The following HYDIN variants were observed in gnomAD, a reference collection of about 807,000 sequenced individuals.
HYDIN encodes the protein axonemal central pair apparatus protein HYDIN.
Under a neutral mutation model 403.9 loss-of-function variants are expected in HYDIN, and 132 were observed. That is an observed-to-expected ratio of 0.33 (90% confidence interval 0.28 to 0.38). HYDIN has a LOEUF of 0.38. HYDIN is among the 10% of genes least tolerant of loss of function. HYDIN has a pLI of 1.00. For missense variants in HYDIN, 2,827 were observed against 5,009.5 expected (o/e 0.56, Z 13.15); for synonymous variants, 1,202 against 1,891.7 (o/e 0.64, Z 9.46).
At chr16:71,201,825 A>C (rs911454070) in intron 1 of HYDIN, among the ~76,000 whole-genome samples, 1 of 152,238 alleles carries the variant, frequency 6.6e-6, no homozygotes, top group Non-Finnish European at 1.5e-5. Context: ...TTTTGACACA[A>C]GTGTCATCTG....
At chr16:70,884,778 C>A (rs1210519504) in intron 58 of HYDIN, among the ~76,000 whole-genome samples, 25 of 152,192 alleles carry the variant, frequency 1.6e-4, no homozygotes, top group Non-Finnish European at 4.4e-5. Flanking sequence ...TCTTCTCTCT[C>A]CTGCTTGTAG....
At position 70,872,101 on chromosome 16, in the gene HYDIN, T is replaced by C. The variant is rs1361042986; in HGVS notation, c.11027A>G (p.His3676Arg). ...AAACCGTATCAAGTTCACTTGGCTG[T>C]GATTTGTGACTGTGAAGCTCGCATT... Reference protein sequence around the residue: ...SYNASFTVTNHSQVNLIRFEW... With the variant: ...SYNASFTVTNRSQVNLIRFEW... The change falls in exon 65 of 86, where the codon CAC becomes CGC. Residue 3676 changes from histidine to arginine, a missense_variant. Physicochemically the swap from His to Arg is conservative, Grantham distance 29 (BLOSUM62 0). Coordinates refer to ENST00000393567, the MANE Select transcript of HYDIN (RefSeq NM_001270974.2). 2 of 1,576,620 alleles carry C rather than the reference T, an allele frequency of 1.3e-6. No homozygotes were observed. The highest frequency in any genetic ancestry group is 3.6e-5 in the Admixed American group (2 of 56,328).
intron 15 of HYDIN, among the ~76,000 whole-genome samples, chr16:71,066,214 T>C (rs796547852): frequency 6.6e-6 from 1 of 152,056 alleles, no homozygotes; most frequent in African/African-American, 2.4e-5. Context: ...AGGACTAGAC[T>C]GAAAGGCAAA....
At chr16:70,909,608 TAAG>T (rs1259131207) in intron 47 of HYDIN, among the ~76,000 whole-genome samples, 1 of 145,834 alleles carries the variant, frequency 6.9e-6, no homozygotes, top group Non-Finnish European at 1.5e-5. Flanking sequence ...TCATCACACC[TAAG>T]AAAATGAACA....
At chr16:71,139,476 A>G (rs1378655431) in intron 7 of HYDIN, among the ~76,000 whole-genome samples, 1 of 152,192 alleles carries the variant, frequency 6.6e-6, no homozygotes, top group African/African-American at 2.4e-5. Context: ...CCAATTATAC[A>G]TACTATGTTT....
rs934673817 is a variant in HYDIN at position 70,804,812 on chromosome 16, C to T, written c.*2768G>A. Among the ~76,000 whole-genome samples the T allele has an allele frequency of 5.9e-5, 9 of 152,118 alleles. No individual in the cohort carries two copies. The highest frequency in any genetic ancestry group is 1.3e-4 in the Admixed American group (2 of 15,274). ...CAACCTGGGTTCGTTTTTGTTTCTC[C>T]CCCTCCCTTCTCCCTGATCACTTTT... On this transcript the variant is annotated 3_prime_UTR_variant, in exon 86 of 86. Transcript: ENST00000393567.
At chr16:70,944,141 G>A (rs1264903747) in intron 41 of HYDIN, among the ~76,000 whole-genome samples, 192 bp from the exon 42 acceptor site, 1 of 152,240 alleles carries the variant, frequency 6.6e-6, no homozygotes, top group African/African-American at 2.4e-5. Context: ...AGTGGGAATA[G>A]CATGGAAGGT....
intron 12 of HYDIN, among the ~76,000 whole-genome samples, chr16:71,087,394 T>A (rs938877061): frequency 6.7e-6 from 1 of 148,630 alleles, no homozygotes; most frequent in Non-Finnish European, 1.5e-5. Context: ...TATGTCTGTG[T>A]CCTAATGTCC....
At chr16:70,948,218 A>G (rs1347065184) in intron 41 of HYDIN, among the ~76,000 whole-genome samples, 5 of 148,532 alleles carry the variant, frequency 3.4e-5, no homozygotes, top group Non-Finnish European at 4.5e-5. Context: ...AGGATTCCCT[A>G]TTTAATAAAT....
At chr16:71,106,272 T>C (rs1157912724) in intron 10 of HYDIN, among the ~76,000 whole-genome samples, 1 of 152,132 alleles carries the variant, frequency 6.6e-6, no homozygotes, top group Non-Finnish European at 1.5e-5. Flanking sequence ...ATAATGCTTC[T>C]TCATGTATTT....
At chr16:71,030,385 ATATATGTGTGTGTGTATATG>A (rs1184878606) in intron 19 of HYDIN, among the ~76,000 whole-genome samples, 3 of 150,994 alleles carry the variant, frequency 2.0e-5, no homozygotes, top group Non-Finnish European at 3.0e-5. Flanking sequence ...GTGTATACAT[ATATATGTGTGTGTGTATATG>A]TATATGTGTG....
At chr16:70,973,099 T>C (rs1019879110) in intron 35 of HYDIN, among the ~76,000 whole-genome samples, 1 of 152,210 alleles carries the variant, frequency 6.6e-6, no homozygotes, top group African/African-American at 2.4e-5. Context: ...AGCATGTAAG[T>C]GTGCAGAGGC....
chr16:70,811,262 C>A (rs13332988), intron 84 of HYDIN: 5,754 of 150,880 alleles, frequency 0.038, 354 homozygotes, highest in African/African-American at 0.13. Context: ...TTTCTACAAA[C>A]AACAACAACA....
At chr16:71,122,720 T>C (rs1182126641) in intron 9 of HYDIN, among the ~76,000 whole-genome samples, 1 of 151,154 alleles carries the variant, frequency 6.6e-6, no homozygotes, top group Non-Finnish European at 1.5e-5. Context: ...TCTGCAGGCT[T>C]AGATGACGAC....
At chr16:71,131,965 A>C (rs1000287997) in intron 8 of HYDIN, 1 of 152,132 alleles carries the variant, frequency 6.6e-6, no homozygotes, top group African/African-American at 2.4e-5. Context: ...GGTGAAAAAC[A>C]AAGTGGTAAA....
At chr16:70,886,593 T>C (rs7201246) in intron 58 of HYDIN, among the ~76,000 whole-genome samples, 2 of 152,220 alleles carry the variant, frequency 1.3e-5, no homozygotes, top group Non-Finnish European at 2.9e-5. Context: ...GCCATTCTTA[T>C]AGGGTAAGTC....
chr16:71,179,095 ATGAC>A, intron 3 of HYDIN, 48 bp from the exon 4 acceptor site: 1 of 1,506,572 alleles, frequency 6.6e-7, no homozygotes, highest in Middle Eastern at 2.0e-4. Context: ...ATTGACAAAA[ATGAC>A]TGGGGAAGAT....
intron 53 of HYDIN, among the ~76,000 whole-genome samples, chr16:70,899,050 C>T (rs1031790192): frequency 1.4e-4 from 21 of 151,146 alleles, no homozygotes; most frequent in Admixed American, 1.1e-3. Flanking sequence ...GGATTACAGG[C>T]GTTAGCCACC....
intron 41 of HYDIN, among the ~76,000 whole-genome samples, chr16:70,945,263 A>G (rs779296087): frequency 1.3e-4 from 20 of 152,228 alleles, no homozygotes; most frequent in South Asian, 2.1e-4. Context: ...GAACATAAAG[A>G]GTCACCAAAA....
Sources: gnomAD v4.1 joint callset for allele counts (sites outside exome capture counted in the v4.1 genomes callset) on GRCh38, gnomAD v4.1.1 for gene constraint, MANE v1.5 for transcripts, NCBI Gene and HGNC (gene_info 2026-07-23, HGNC 2026-07-21) for gene names.